NUP98: variants seen among roughly 807,000 people sequenced by gnomAD.
NUP98 encodes the protein nuclear pore complex protein Nup98-Nup96.
Under a neutral mutation model 191.9 loss-of-function variants are expected in NUP98, and 26 were observed. The observed-to-expected ratio is 0.14, with a 90% CI of 0.10 to 0.19. The LOEUF is 0.19. Ranked by LOEUF, NUP98 falls within the 10% of genes least tolerant of loss-of-function variation. The pLI is 1.00. For synonymous variants in NUP98, 808 were observed against 778.4 expected, an observed-to-expected ratio of 1.04 and a Z score of -0.63; for missense variants, 1,941 against 2,178.8, an observed-to-expected ratio of 0.89 and a Z score of 2.17.
intron 1 of NUP98, among the ~76,000 whole-genome samples, chr11:3,785,437 A>C (rs934554761): frequency 6.6e-6 from 1 of 152,188 alleles, no homozygotes; most frequent in Non-Finnish European, 1.5e-5. Context: ...AATCAGAGAA[A>C]GAACATGTAA....
At chr11:3,708,702 G>C (rs1461523900) in intron 20 of NUP98, among the ~76,000 whole-genome samples, 2 of 145,022 alleles carry the variant, frequency 1.4e-5, no homozygotes, top group African/African-American at 5.1e-5. Flanking sequence ...TTTTAGGCCA[G>C]TCCTGAAAAA....
chr11:3,727,491 T>C (rs995324465), intron 14 of NUP98, among the ~76,000 whole-genome samples: 2 of 152,036 alleles, frequency 1.3e-5, no homozygotes, highest in African/African-American at 4.8e-5. Flanking sequence ...GCTGCCCAAA[T>C]ATGAGACAAT....
At chr11:3,728,107 T>C (rs376334462) in intron 14 of NUP98, among the ~76,000 whole-genome samples, 57 of 152,138 alleles carry the variant, frequency 3.7e-4, no homozygotes, top group African/African-American at 1.3e-3. Flanking sequence ...GGGTTAACTA[T>C]ATGGATATAT....
chr11:3,783,889 A>G (rs1285018505), intron 1 of NUP98, among the ~76,000 whole-genome samples: 1 of 152,148 alleles, frequency 6.6e-6, no homozygotes, highest in African/African-American at 2.4e-5. Context: ...TCAATTAAAA[A>G]AAAATAAATA....
chr11:3,724,948 C>T (rs2079558942), intron 15 of NUP98, among the ~76,000 whole-genome samples, 155 bp downstream of exon 15: 1 of 152,048 alleles, frequency 6.6e-6, no homozygotes, highest in Non-Finnish European at 1.5e-5. Context: ...ATTCAAAAGA[C>T]AAAAATATGA....
intron 18 of NUP98, among the ~76,000 whole-genome samples, chr11:3,718,588 G>A (rs1006776429): frequency 6.6e-6 from 1 of 151,978 alleles, no homozygotes; most frequent in Non-Finnish European, 1.5e-5. Flanking sequence ...AAGAAAAGAA[G>A]CGGAAGGGGA....
intron 10 of NUP98, among the ~76,000 whole-genome samples, chr11:3,759,014 T>G (rs2081073353): frequency 6.6e-6 from 1 of 152,236 alleles, no homozygotes; most frequent in Non-Finnish European, 1.5e-5. Flanking sequence ...CTTCCTGTAG[T>G]TGATAAACAT....
Position 3,706,609 on chromosome 11 carries a change from C to G in NUP98, c.2761G>C (p.Glu921Gln), listed in dbSNP as rs374147876. 101 of 1,613,730 alleles carry G rather than the reference C, an allele frequency of 6.3e-5. No individual in the cohort carries two copies. Among genetic ancestry groups the G allele is most frequent in the Non-Finnish European group, 8.4e-5 (99 of 1,179,990 alleles). The change falls in exon 21 of 33, where the codon GAG becomes CAG. Residue 921 changes from glutamate (E) to glutamine (Q), a missense_variant. Physicochemically the swap from Glu to Gln is conservative, Grantham distance 29. Transcript: ENST00000324932. ...PPPQSQSPEV[E>Q]QLGRVVELDS... ...AGTTCCACAACCCTCCCTAACTGCT[C>G]CACCTCTGGGCTCTGGCTCTGTAGA...
chr11:3,676,106 A>C lies in NUP98; in HGVS notation c.*53T>G. ...CAGTGCCAATCCAAACAAGGCAGGG[A>C]ACCTCTGTGTGGTGTGAATGGGCAT... On this transcript the variant is annotated 3_prime_UTR_variant, in exon 33 of 33. Transcript: ENST00000324932. 8 of 1,543,706 alleles carry C rather than the reference A, an allele frequency of 5.2e-6. No individual in the cohort carries two copies. Among genetic ancestry groups the C allele is most frequent in the Non-Finnish European group, 7.1e-6 (8 of 1,127,472 alleles).
chr11:3,780,502 A>T (rs1342340792), intron 2 of NUP98, among the ~76,000 whole-genome samples: 1 of 137,238 alleles, frequency 7.3e-6, no homozygotes, highest in Admixed American at 8.1e-5. Context: ...AGATCGCACC[A>T]CCGCACTCCA....
Position 3,713,846 on chromosome 11 carries a change from C to T in NUP98, c.2549G>A (p.Arg850Gln), listed in dbSNP as rs370540387. The stretch of plus-strand genomic sequence containing the variant: ...AAACACCCAAGAACCAGTTTCAGGC[C>T]GGTATTCTTTGAATTGAGCTCCCTG... ...RKQGAQFKEY[R>Q]PETGSWVFKV... is the part of the protein sequence containing the mutation. Residue 850 changes from arginine (R) to glutamine (Q), a missense_variant, in exon 19 of 33, where the codon CGG becomes CAG. Transcript: ENST00000324932. 1.4e-5 allele frequency: 22 copies of T among 1,613,936 alleles called. No homozygotes were observed. Among genetic ancestry groups the T allele is most frequent in the South Asian group, 2.2e-5 (2 of 91,082 alleles).
In NUP98 at chr11:3,735,340, AAAG is replaced by A; in HGVS notation, c.1409-19_1409-17del. Reference sequence around the variant, plus strand: ...TCTGTCAAAGCTTTTAAAAAAAAAAAAAGAAAACAAAATATATATATATATATA... The same window carrying A: ...TCTGTCAAAGCTTTTAAAAAAAAAAAAAAACAAAATATATATATATATATA... On this transcript the variant is annotated splice_polypyrimidine_tract_variant and intron_variant, in intron 12 of 32. Coordinates refer to ENST00000324932, the MANE Select transcript of NUP98 (RefSeq NM_016320.5). 7.3e-7 allele frequency: 1 copy of A among 1,375,440 alleles called. No individual in the cohort carries two copies. The allele number at this position is 1,375,440 out of a possible 1,614,324, so 85.2% of individuals were successfully genotyped here.
intron 8 of NUP98, among the ~76,000 whole-genome samples, chr11:3,765,982 T>C (rs1297918761): frequency 3.3e-5 from 5 of 152,150 alleles, no homozygotes; most frequent in Non-Finnish European, 2.9e-5. Flanking sequence ...TGTCTACAAA[T>C]GTGAGGGTTT....
rs1564907513 is a variant in NUP98 at position 3,769,454 on chromosome 11, T to C, written c.785-710A>G. On this transcript the variant is annotated intron_variant, in intron 7 of 32. Transcript: ENST00000324932. ...ACCCCCACCAAAAAAACAGAAAAAA[T>C]TATGAAACATTAGCCAGGCAGAATG... Among the ~76,000 whole-genome samples the C allele has an allele frequency of 3.3e-5, 5 of 149,814 alleles. No homozygotes were observed. In the Admixed American group the frequency reaches 3.3e-4, roughly 10 times the overall value.
intron 1 of NUP98, among the ~76,000 whole-genome samples, chr11:3,790,382 G>T (rs770093575): frequency 7.2e-5 from 11 of 152,182 alleles, no homozygotes; most frequent in Non-Finnish European, 1.0e-4. Context: ...CTATGAAGCA[G>T]CTTAGGGCTC....
At chr11:3,714,083 A>ACCATTATTCACTATTT in intron 18 of NUP98, 88 bp from the exon 19 acceptor site, 1 of 1,255,664 alleles carries the variant, frequency 8.0e-7, no homozygotes, top group Non-Finnish European at 1.1e-6. Flanking sequence ...ATAAATAGTG[A>ACCATTATTCACTATTT]ATAATGGTAA....
intron 23 of NUP98, among the ~76,000 whole-genome samples, chr11:3,701,324 A>G (rs2078671292): frequency 1.5e-5 from 2 of 136,292 alleles, no homozygotes; most frequent in Admixed American, 1.7e-4. Context: ...CAGTAGCGTG[A>G]TCTTGGCTTA....
At chr11:3,724,149 C>T (rs1017040530) in intron 15 of NUP98, among the ~76,000 whole-genome samples, 4 of 151,838 alleles carry the variant, frequency 2.6e-5, no homozygotes, top group African/African-American at 9.7e-5. Context: ...AAAGAAATTT[C>T]GGCTGGGTGT....
At chr11:3,717,211 C>A (rs1471678169) in intron 18 of NUP98, among the ~76,000 whole-genome samples, 3 of 152,062 alleles carry the variant, frequency 2.0e-5, no homozygotes, top group Non-Finnish European at 4.4e-5. Flanking sequence ...GCCAGGCTCA[C>A]TTGTCTCAAC....
Sources: allele counts gnomAD v4.1 joint callset (sites outside exome capture counted in the v4.1 genomes callset), GRCh38; gene constraint gnomAD v4.1.1; transcripts MANE v1.5; gene names NCBI Gene and HGNC (gene_info 2026-07-23, HGNC 2026-07-21).